The following ST8SIA1 variants were observed in gnomAD, a reference collection of about 807,000 sequenced individuals.
ST8SIA1 encodes ST8 alpha-N-acetyl-neuraminide alpha-2,8-sialyltransferase 1.
Under a neutral mutation model 35.9 loss-of-function variants are expected in ST8SIA1, and 16 were observed. The observed-to-expected ratio is 0.45, with a 90% CI of 0.30 to 0.68. ST8SIA1 has a LOEUF of 0.68. Ranked by LOEUF, ST8SIA1 falls within the 30% of genes least tolerant of loss-of-function variation. The pLI is 0.09. For synonymous variants in ST8SIA1, 170 were observed against 169.6 expected (o/e 1.00, Z -0.02); for missense variants, 383 against 453.6 (o/e 0.84, Z 1.41).
intron 2 of ST8SIA1, among the ~76,000 whole-genome samples, chr12:22,268,044 A>G (rs547508830): frequency 1.4e-4 from 21 of 152,310 alleles, no homozygotes; most frequent in Admixed American, 3.9e-4. Context: ...ACTGTTGTGT[A>G]CACCCATCTT....
chr12:22,256,087 GTATGA>G (rs1380068576), intron 2 of ST8SIA1, among the ~76,000 whole-genome samples: 1 of 152,158 alleles, frequency 6.6e-6, no homozygotes, highest in Non-Finnish European at 1.5e-5. Context: ...TAAAGAATAC[GTATGA>G]TTCCTCCAGG....
At chr12:22,249,866 T>A (rs1193828933) in intron 3 of ST8SIA1, among the ~76,000 whole-genome samples, 1 of 152,188 alleles carries the variant, frequency 6.6e-6, no homozygotes, top group Non-Finnish European at 1.5e-5. Flanking sequence ...ATTAATATAT[T>A]TTCTTGTGTT....
At chr12:22,240,485 T>C (rs1000954306) in intron 4 of ST8SIA1, among the ~76,000 whole-genome samples, 3 of 152,102 alleles carry the variant, frequency 2.0e-5, no homozygotes, top group Non-Finnish European at 2.9e-5. Context: ...ATCAATGACT[T>C]TGAAGCCTTG....
intron 4 of ST8SIA1, among the ~76,000 whole-genome samples, chr12:22,230,185 C>T (rs1291793705): frequency 6.6e-6 from 1 of 152,112 alleles, no homozygotes; most frequent in Non-Finnish European, 1.5e-5. Flanking sequence ...GAAATCTTTG[C>T]CTTCTGGGGT....
intron 1 of ST8SIA1, among the ~76,000 whole-genome samples, chr12:22,313,049 G>A (rs11046364): frequency 6.6e-6 from 1 of 152,140 alleles, no homozygotes; most frequent in East Asian, 1.9e-4. Flanking sequence ...TGCGCTGGTA[G>A]AGTCCGAGCT....
chr12:22,333,609 T>C (rs1025966968), intron 1 of ST8SIA1, among the ~76,000 whole-genome samples: 1 of 152,242 alleles, frequency 6.6e-6, no homozygotes, highest in Non-Finnish European at 1.5e-5. Context: ...TTTTACCTGC[T>C]TCTTGTTCCC....
intron 1 of ST8SIA1, among the ~76,000 whole-genome samples, chr12:22,320,640 T>C (rs956502495): frequency 1.3e-5 from 2 of 151,422 alleles, no homozygotes; most frequent in African/African-American, 4.9e-5. Flanking sequence ...AGCCCAGGAG[T>C]TCGAGACCAG....
At chr12:22,283,841 AC>A (rs781340691) in intron 2 of ST8SIA1, among the ~76,000 whole-genome samples, 10 of 152,012 alleles carry the variant, frequency 6.6e-5, no homozygotes, top group Non-Finnish European at 1.3e-4. Flanking sequence ...AAAAGGGAAA[AC>A]CCTCTTGTTC....
chr12:22,303,900 G>A (rs1381829017), intron 1 of ST8SIA1, among the ~76,000 whole-genome samples: 1 of 147,876 alleles, frequency 6.8e-6, no homozygotes, highest in Non-Finnish European at 1.5e-5. Context: ...AAGTGGTGTG[G>A]TACAGGGAGA....
At chr12:22,285,600 G>A (rs1047746760) in intron 2 of ST8SIA1, among the ~76,000 whole-genome samples, 17 of 152,144 alleles carry the variant, frequency 1.1e-4, no homozygotes, top group African/African-American at 2.2e-4. Flanking sequence ...AGTCGGGCGC[G>A]GTGGCTCACG....
chr12:22,239,946 T>A (rs1309116078), intron 4 of ST8SIA1, among the ~76,000 whole-genome samples: 2 of 152,172 alleles, frequency 1.3e-5, no homozygotes, highest in Non-Finnish European at 2.9e-5. Context: ...TTGGTCTGGT[T>A]TTTGTTCCCT....
At chr12:22,248,170 G>A (rs940108416) in intron 4 of ST8SIA1, among the ~76,000 whole-genome samples, 6 of 152,166 alleles carry the variant, frequency 3.9e-5, no homozygotes, top group African/African-American at 7.2e-5. Flanking sequence ...GTAGTGCCAC[G>A]TTGTGAATAA....
intron 4 of ST8SIA1, among the ~76,000 whole-genome samples, chr12:22,216,048 C>T (rs141433001): frequency 3.5e-4 from 54 of 152,296 alleles, no homozygotes; most frequent in African/African-American, 7.5e-4. Flanking sequence ...TGAGAAAGAA[C>T]GCTTTGCTGT....
chr12:22,274,922 G>A (rs899768556), intron 2 of ST8SIA1, among the ~76,000 whole-genome samples: 3 of 152,206 alleles, frequency 2.0e-5, no homozygotes, highest in African/African-American at 7.2e-5. Context: ...AAGCATGTGA[G>A]CCAGTAACTG....
intron 1 of ST8SIA1, among the ~76,000 whole-genome samples, chr12:22,320,425 G>A (rs1866571603): frequency 6.6e-6 from 1 of 152,208 alleles, no homozygotes. Flanking sequence ...GGAAGGAGCT[G>A]CCTTGGGAGT....
At chr12:22,202,208 A>T (rs1032804307) in intron 4 of ST8SIA1, among the ~76,000 whole-genome samples, 170 bp from the exon 5 acceptor site, 2 of 152,320 alleles carry the variant, frequency 1.3e-5, no homozygotes, top group Non-Finnish European at 2.9e-5. Context: ...ATTATCTCTC[A>T]TCAAATAGCC....
chr12:22,262,760 C>T (rs939434789), intron 2 of ST8SIA1, among the ~76,000 whole-genome samples: 1 of 152,200 alleles, frequency 6.6e-6, no homozygotes, highest in East Asian at 1.9e-4. Context: ...AATTAAGTTA[C>T]AAGAGCCTTT....
Position 22,334,197 on chromosome 12 carries a change from G to A in ST8SIA1, c.36C>T (p.Ser12=), listed in dbSNP as rs747058214. The change falls in exon 1 of 5, where the codon TCC becomes TCT. Residue 12 remains serine (S), a synonymous_variant. Transcript: ENST00000396037. Reference sequence around the variant, plus strand: ...ACGCCAGTACAGCCATGGCCCCTCTGGACGTTTGTCGCCGGGCCCGCCCGC... The same window carrying A: ...ACGCCAGTACAGCCATGGCCCCTCTAGACGTTTGTCGCCGGGCCCGCCCGC... The part of the protein sequence containing the change: ...SPCGRARRQT[S]RGAMAVLAWK... The A allele has an allele frequency of 5.6e-6, 9 of 1,613,584 alleles. No homozygotes were observed. Among genetic ancestry groups the A allele is most frequent in the African/African-American group, 4.0e-5 (3 of 74,926 alleles).
intron 4 of ST8SIA1, among the ~76,000 whole-genome samples, chr12:22,222,859 C>T (rs554926159): frequency 6.6e-6 from 1 of 151,872 alleles, no homozygotes; most frequent in East Asian, 1.9e-4. Flanking sequence ...ACACAAATAC[C>T]CCTAAATTCC....
Sources: allele counts gnomAD v4.1 joint callset (sites outside exome capture counted in the v4.1 genomes callset), GRCh38; gene constraint gnomAD v4.1.1; transcripts MANE v1.5; gene names NCBI Gene and HGNC (gene_info 2026-07-23, HGNC 2026-07-21).